The following SPATA20 variants were observed in gnomAD, a reference collection of about 807,000 sequenced individuals.
SPATA20 encodes the protein spermatogenesis associated 20, also known as spermatogenesis-associated protein 20.
In SPATA20, 74 loss-of-function variants were observed where a neutral mutation model predicts 98.9. The observed-to-expected ratio is 0.75, with a 90% CI of 0.62 to 0.91. The LOEUF is 0.91. Among genes scored for constraint, SPATA20 ranks in the 40% least tolerant of loss-of-function variants. The pLI, the probability that SPATA20 is intolerant of heterozygous loss-of-function variation, is 0.00. For missense variants in SPATA20, 1,016 were observed against 1,069.8 expected (o/e 0.95, Z 0.70); for synonymous variants, 430 against 440.5 (o/e 0.98, Z 0.30).
chr17:50,548,243 T>C (rs2034946955), intron 2 of SPATA20, 40 bp from the exon 3 acceptor site: 2 of 1,601,148 alleles, frequency 1.2e-6, no homozygotes, highest in Non-Finnish European at 8.5e-7. Flanking sequence ...AGAAGGTGGG[T>C]GGAGGCCCCT....
Position 50,551,695 on chromosome 17 carries a change from G to T in SPATA20, c.1745+16G>T. ...TGGAGCACAGGTTGGGGGCTGGGTA[G>T]ACCGGGAGGGCCCGTCTCCCCAACG... is the stretch of plus-strand genomic sequence containing the variant. On this transcript the variant is annotated intron_variant, in intron 13 of 16. Coordinates refer to ENST00000006658, the MANE Select transcript of SPATA20 (RefSeq NM_022827.4). 1 of 1,580,902 alleles carries T rather than the reference G, an allele frequency of 6.3e-7. No individual in the cohort carries two copies. Among genetic ancestry groups the T allele is most frequent in the South Asian group, 1.1e-5 (1 of 89,872 alleles).
At chr17:50,555,454 C>T (rs764297287) in intron 16 of SPATA20, 38 bp from the exon 17 acceptor site, 21 of 1,610,760 alleles carry the variant, frequency 1.3e-5, no homozygotes, top group Non-Finnish European at 1.7e-5. Flanking sequence ...GTGACCCCAC[C>T]CCGGCAGGTG....
Position 50,547,254 on chromosome 17 carries a change from C to T in SPATA20, c.46C>T (p.Arg16Cys), listed in dbSNP as rs978771580. Residue 16 changes from arginine to cysteine, a missense_variant, in exon 1 of 17, where the codon CGC becomes TGC. Physicochemically the swap from Arg to Cys is radical, Grantham distance 180. Transcript: ENST00000006658. The part of the protein sequence containing the change: ...AWLGRVLLLP[R>C]AGAGLAASRR... Reference sequence around the variant, plus strand: ...GTTGGGCCGCGTCCTTCTGCTGCCCCGCGCCGGTGCAGGCCTCGCCGCGAG... The same window carrying T: ...GTTGGGCCGCGTCCTTCTGCTGCCCTGCGCCGGTGCAGGCCTCGCCGCGAG... 15 of 1,397,126 alleles carry T rather than the reference C, an allele frequency of 1.1e-5. No individual in the cohort carries two copies. The highest frequency in any genetic ancestry group is 7.0e-5 in the Admixed American group (2 of 28,748). 86.5% of individuals were successfully genotyped at this position (1,397,126 alleles called of 1,614,324 possible). A position where few individuals can be genotyped will look rare whatever the true frequency, so the allele number is the denominator to read the frequency against.
intron 12 of SPATA20, 37 bp from the exon 13 acceptor site, chr17:50,551,474 C>A (rs766166697): frequency 6.3e-7 from 1 of 1,576,044 alleles, no homozygotes; most frequent in Non-Finnish European, 8.7e-7. Context: ...AGGGTCCTGG[C>A]CAGCTTCTTA....
Position 50,549,497 on chromosome 17 carries a change from C to T in SPATA20, c.862+10C>T, listed in dbSNP as rs761973993. On this transcript the variant is annotated intron_variant, in intron 7 of 16. Coordinates refer to ENST00000006658, the MANE Select transcript of SPATA20 (RefSeq NM_022827.4). ...AAGTTTCCCACGCCGGGTCAGTGCC[C>T]CACGCCCGCCTTAGCCCAGGCTTTG... The T allele has an allele frequency of 4.8e-5, 78 of 1,608,338 alleles. No homozygotes were observed. The highest frequency in any genetic ancestry group is 1.6e-4 in the Middle Eastern group (1 of 6,076).
At chr17:50,547,691 T>A in intron 1 of SPATA20, 29 bp from the exon 2 acceptor site, 1 of 781,004 alleles carries the variant, frequency 1.3e-6, no homozygotes, top group Admixed American at 1.7e-5. Context: ...ACTTCCAGGC[T>A]GAACTCCCTG....
At chr17:50,549,647 ACTG>A (rs1468893540) in intron 7 of SPATA20, among the ~76,000 whole-genome samples, 160 bp downstream of exon 7, 1 of 152,118 alleles carries the variant, frequency 6.6e-6, no homozygotes, top group Non-Finnish European at 1.5e-5. Context: ...TGAAGACCCG[ACTG>A]CTGGTGTCAG....
chr17:50,551,771 C>A, intron 13 of SPATA20, 92 bp downstream of exon 13: 3 of 1,404,580 alleles, frequency 2.1e-6, no homozygotes, highest in South Asian at 1.4e-5. Context: ...GGACTCCAGT[C>A]CTGGCTCTGC....
rs200061579 is a variant in SPATA20, at chr17:50,549,017, C to G, written c.517-26C>G. 2.2e-3 allele frequency: 3,550 copies of G among 1,613,880 alleles called. 9 individuals carry two copies. The highest frequency in any genetic ancestry group is 2.4e-3 in the Non-Finnish European group (2,794 of 1,179,976). On this transcript the variant is annotated intron_variant, in intron 5 of 16. Transcript: ENST00000006658. ...CGCCACATGGGCTCAGAGCAGCTCC[C>G]CTCACCCTCGCCCTCTCTCCGCCAG...
chr17:50,551,031 C>G lies in SPATA20; in HGVS notation c.1417C>G (p.Leu473Val). The change falls in exon 12 of 17, where the codon CTG becomes GTG. Residue 473 changes from leucine to valine, a missense_variant. Coordinates refer to ENST00000006658, the MANE Select transcript of SPATA20 (RefSeq NM_022827.4). The part of the protein sequence containing the change: ...PKGELQGQNV[L>V]TVRYSLELTA... ...GGGGGAGCTGCAGGGCCAGAATGTG[C>G]TGACCGTCCGGTACTCGCTGGAGCT... 6.2e-7 allele frequency: 1 copy of G among 1,613,424 alleles called. No homozygotes were observed. The highest frequency in any genetic ancestry group is 8.5e-7 in the Non-Finnish European group (1 of 1,180,012).
intron 13 of SPATA20, 103 bp from the exon 14 acceptor site, chr17:50,551,866 C>A: frequency 8.0e-7 from 1 of 1,252,160 alleles, no homozygotes; most frequent in Non-Finnish European, 1.1e-6. Context: ...CAAGAGGGTT[C>A]ATCTGGAGGG....
chr17:50,554,586 G>T, intron 15 of SPATA20, 136 bp downstream of exon 15: 1 of 832,492 alleles, frequency 1.2e-6, no homozygotes, highest in Non-Finnish European at 2.0e-6. Flanking sequence ...CACGTGGCCT[G>T]TCAGACAGGG....
At chr17:50,547,642 T>C (rs1312491817) in intron 1 of SPATA20, 78 bp from the exon 2 acceptor site, 1 of 777,374 alleles carries the variant, frequency 1.3e-6, no homozygotes, top group Admixed American at 1.7e-5. Context: ...CCTTTATTGC[T>C]GCATGGACCT....
chr17:50,550,350 C>G, intron 9 of SPATA20, 38 bp downstream of exon 9: 2 of 1,504,294 alleles, frequency 1.3e-6, no homozygotes, highest in South Asian at 1.2e-5. Flanking sequence ...AGGCATCTCA[C>G]TCTGGCTGCC....
At position 50,551,064 on chromosome 17, in the gene SPATA20, GC is replaced by G; in HGVS notation, c.1453del (p.Arg485AlafsTer43). On this transcript the variant is annotated frameshift_variant, in exon 12 of 17. Transcript: ENST00000006658. LOFTEE classifies it high-confidence loss of function. ...TVRYSLELTA[A>X]RFGLDVEAVR... ...CCGGTACTCGCTGGAGCTGACTGCT[GC>G]CCGCTTTGGCTTGGATGTGGAGGCC... The G allele has an allele frequency of 1.9e-6, 3 of 1,613,406 alleles. No homozygotes were observed. The highest frequency in any genetic ancestry group is 1.7e-6 in the Non-Finnish European group (2 of 1,180,012).
Position 50,550,619 on chromosome 17 carries a change from C to T in SPATA20, c.1173+9C>T. The T allele has an allele frequency of 1.2e-6, 2 of 1,613,906 alleles. No homozygotes were observed. Among genetic ancestry groups the T allele is most frequent in the Non-Finnish European group, 1.7e-6 (2 of 1,179,924 alleles). ...GGAGCCTGAGCCACCGGGTGTGTGT[C>T]CATGGTGGCAGGCAGGCCTGGCTGT... On this transcript the variant is annotated intron_variant, in intron 10 of 16. Coordinates refer to ENST00000006658, the MANE Select transcript of SPATA20 (RefSeq NM_022827.4).
chr17:50,555,548 C>G lies in SPATA20; in HGVS notation c.2295C>G (p.Phe765Leu). Reference protein sequence around the residue: ...PSSFLSRQLPFLSTLRRLEDQ... With the variant: ...PSSFLSRQLPLLSTLRRLEDQ... Reference sequence around the variant, plus strand: ...GCTTCCTGTCCCGCCAGCTGCCTTTCCTGAGTACCCTCCGACGGTTGGAAG... The same window carrying G: ...GCTTCCTGTCCCGCCAGCTGCCTTTGCTGAGTACCCTCCGACGGTTGGAAG... The change falls in exon 17 of 17, where the codon TTC becomes TTG. Residue 765 changes from phenylalanine to leucine, a missense_variant. By Grantham distance (22) the Phe-to-Leu change is conservative (BLOSUM62 0). Coordinates refer to ENST00000006658, the MANE Select transcript of SPATA20 (RefSeq NM_022827.4). The G allele has an allele frequency of 6.2e-7, 1 of 1,614,104 alleles. No individual in the cohort carries two copies. The highest frequency in any genetic ancestry group is 8.5e-7 in the Non-Finnish European group (1 of 1,180,004).
intron 9 of SPATA20, 69 bp from the exon 10 acceptor site, chr17:50,550,467 G>A (rs1019001428): frequency 1.3e-6 from 2 of 1,510,194 alleles, no homozygotes; most frequent in Admixed American, 3.3e-5. Flanking sequence ...CTCAGAGAAT[G>A]TTGCCACCTT....
intron 2 of SPATA20, 62 bp from the exon 3 acceptor site, chr17:50,548,220 TG>T: frequency 3.8e-6 from 6 of 1,577,942 alleles, no homozygotes; most frequent in South Asian, 2.3e-5. Flanking sequence ...GAGCAGGTGC[TG>T]GGGGGCCTGG....
Sources: gnomAD v4.1 joint callset for allele counts (sites outside exome capture counted in the v4.1 genomes callset) on GRCh38, gnomAD v4.1.1 for gene constraint, MANE v1.5 for transcripts, NCBI Gene and HGNC (gene_info 2026-07-23, HGNC 2026-07-21) for gene names.